The following CDH12 variants were observed in gnomAD, a reference collection of about 807,000 sequenced individuals.
CDH12 encodes cadherin-12.
CDH12 carries 41 observed loss-of-function variants against 74.1 expected under a neutral mutation model. The ratio of observed to expected loss-of-function variants is 0.55; its 90% CI spans 0.43 to 0.72. The LOEUF (loss-of-function observed/expected upper bound fraction) is 0.72. Among genes scored for constraint, CDH12 ranks in the 30% least tolerant of loss-of-function variants. The probability of loss-of-function intolerance (pLI) is 0.00; values close to 1 mark genes in which losing one functional copy is unlikely to be tolerated. For synonymous variants in CDH12, 399 were observed against 355.0 expected, an observed-to-expected ratio of 1.12 and a Z score of -1.39; for missense variants, 945 against 977.2, an observed-to-expected ratio of 0.97 and a Z score of 0.44.
At chr5:22,391,794 T>C (rs1742259900) in intron 3 of CDH12, among the ~76,000 whole-genome samples, 1 of 152,078 alleles carries the variant, frequency 6.6e-6, no homozygotes, top group Non-Finnish European at 1.5e-5. Flanking sequence ...ATAAAACCAA[T>C]AATATCAGGA....
chr5:21,830,072 G>T (rs1286539042), intron 8 of CDH12, among the ~76,000 whole-genome samples: 1 of 151,216 alleles, frequency 6.6e-6, no homozygotes, highest in East Asian at 1.9e-4. Flanking sequence ...GTTGGCGGGT[G>T]CCTGTAATCC....
At chr5:22,306,346 TGA>T (rs1372259120) in intron 3 of CDH12, among the ~76,000 whole-genome samples, 1 of 138,722 alleles carries the variant, frequency 7.2e-6, no homozygotes, top group Non-Finnish European at 1.6e-5. Context: ...AAAAAAATAA[TGA>T]GAGAGAGAAA....
intron 1 of CDH12, among the ~76,000 whole-genome samples, chr5:22,634,961 C>T (rs189805107): frequency 4.7e-5 from 7 of 147,762 alleles, no homozygotes; most frequent in African/African-American, 1.7e-4. Context: ...CAATCTCTAC[C>T]AAAATCACAG....
At chr5:22,089,677 C>A (rs1408826903) in intron 4 of CDH12, among the ~76,000 whole-genome samples, 1 of 152,058 alleles carries the variant, frequency 6.6e-6, no homozygotes, top group African/African-American at 2.4e-5. Flanking sequence ...CACATACCTT[C>A]TTCATCTAAG....
intron 2 of CDH12, among the ~76,000 whole-genome samples, chr5:22,449,496 T>C (rs895541134): frequency 1.3e-5 from 2 of 152,128 alleles, no homozygotes; most frequent in Non-Finnish European, 2.9e-5. Context: ...TCAAAAATAA[T>C]ATTTTTCTTA....
At chr5:22,230,596 G>A (rs776090388) in intron 3 of CDH12, among the ~76,000 whole-genome samples, 4 of 150,810 alleles carry the variant, frequency 2.7e-5, no homozygotes, top group African/African-American at 7.3e-5. Context: ...CCAGCCTCCC[G>A]AGTAGTTGGG....
At chr5:22,426,136 G>A (rs556636995) in intron 2 of CDH12, among the ~76,000 whole-genome samples, 7 of 148,536 alleles carry the variant, frequency 4.7e-5, no homozygotes, top group Admixed American at 2.0e-4. Context: ...GCAGTGAGCC[G>A]AGATCGCACC....
At chr5:22,314,543 T>C (rs1738531253) in intron 3 of CDH12, among the ~76,000 whole-genome samples, 1 of 152,286 alleles carries the variant, frequency 6.6e-6, no homozygotes, top group East Asian at 1.9e-4. Context: ...TGTGAGAAAA[T>C]ACATTTCTGT....
At chr5:22,466,169 C>A (rs536940744) in intron 2 of CDH12, among the ~76,000 whole-genome samples, 1 of 152,278 alleles carries the variant, frequency 6.6e-6, no homozygotes, top group South Asian at 2.1e-4. Flanking sequence ...CAGCCCTTGG[C>A]CAGATGTTGA....
chr5:22,761,724 T>G (rs1746237231), intron 1 of CDH12, among the ~76,000 whole-genome samples: 1 of 152,174 alleles, frequency 6.6e-6, no homozygotes, highest in Admixed American at 6.5e-5. Context: ...ATTGACACCT[T>G]AAATGGTGAT....
At position 21,991,872 on chromosome 5, in the gene CDH12, T is replaced by C. The variant is rs190449362; in HGVS notation, c.232-16487A>G. ...AGTCAAGTTTTTTTGTCAAATTTAC[T>C]GCTAAGAATTAATATCTCATGGTCT... is the stretch of plus-strand genomic sequence containing the variant. On this transcript the variant is annotated intron_variant, in intron 5 of 14. Coordinates refer to ENST00000382254, the MANE Select transcript of CDH12 (RefSeq NM_004061.5). Among the ~76,000 whole-genome samples the C allele has an allele frequency of 4.0e-4, 61 of 152,154 alleles. 1 individual carries two copies. The East Asian group carries it at 0.011, about 27-fold the overall frequency.
At chr5:22,700,478 T>C (rs1167889946) in intron 1 of CDH12, among the ~76,000 whole-genome samples, 2 of 152,206 alleles carry the variant, frequency 1.3e-5, no homozygotes, top group Admixed American at 1.3e-4. Context: ...TTGCCAATGA[T>C]CACTCCAAAC....
intron 6 of CDH12, among the ~76,000 whole-genome samples, chr5:21,964,708 C>T (rs1756506857): frequency 1.3e-5 from 2 of 151,844 alleles, no homozygotes; most frequent in Non-Finnish European, 2.9e-5. Flanking sequence ...AGTTATGGTT[C>T]AAGTAATGCA....
intron 2 of CDH12, among the ~76,000 whole-genome samples, chr5:22,498,804 T>C (rs1390648618): frequency 1.3e-5 from 2 of 151,338 alleles, no homozygotes; most frequent in Non-Finnish European, 2.9e-5. Context: ...TCAAACTAAT[T>C]ATTTTCATTT....
intron 3 of CDH12, among the ~76,000 whole-genome samples, chr5:22,280,452 T>C (rs1357208665): frequency 1.3e-5 from 2 of 151,870 alleles, no homozygotes; most frequent in East Asian, 3.9e-4. Context: ...TTTGAAAAGA[T>C]CAACAAAATT....
intron 6 of CDH12, among the ~76,000 whole-genome samples, chr5:21,877,119 C>T (rs997082635): frequency 1.3e-5 from 2 of 152,062 alleles, no homozygotes; most frequent in Non-Finnish European, 2.9e-5. Context: ...ACGAGAATTG[C>T]TTGAACCCAT....
At chr5:21,991,727 C>T (rs116269084) in intron 5 of CDH12, among the ~76,000 whole-genome samples, 684 of 151,266 alleles carry the variant, frequency 4.5e-3, no homozygotes, top group African/African-American at 0.016. Context: ...GCTGCCTTAC[C>T]GAAGTCTTTT....
At chr5:22,778,317 C>T (rs949812726) in intron 1 of CDH12, among the ~76,000 whole-genome samples, 4 of 152,038 alleles carry the variant, frequency 2.6e-5, no homozygotes, top group African/African-American at 9.7e-5. Flanking sequence ...ACAGAGTTCA[C>T]AAAATGGAGG....
intron 1 of CDH12, among the ~76,000 whole-genome samples, chr5:22,826,662 T>G (rs983289332): frequency 5.3e-5 from 8 of 152,200 alleles, no homozygotes; most frequent in African/African-American, 1.9e-4. Flanking sequence ...AAGAACTTGT[T>G]GGGAACTGGA....
Sources: gnomAD v4.1 joint callset for allele counts (sites outside exome capture counted in the v4.1 genomes callset) on GRCh38, gnomAD v4.1.1 for gene constraint, MANE v1.5 for transcripts, NCBI Gene and HGNC (gene_info 2026-07-23, HGNC 2026-07-21) for gene names.